Variants in ABCA4 observed in about 807,000 individuals in gnomAD.
ABCA4 encodes the protein retinal-specific phospholipid-transporting ATPase ABCA4.
ABCA4 carries 196 observed loss-of-function variants against 263.7 expected under a neutral mutation model. The ratio of observed to expected loss-of-function variants is 0.74; its 90% CI spans 0.66 to 0.84. The LOEUF (loss-of-function observed/expected upper bound fraction) is 0.84, where lower values mean the gene tolerates loss of function less well. Among genes scored for constraint, ABCA4 ranks in the 40% least tolerant of loss-of-function variants. ABCA4 has a pLI of 0.00. For synonymous variants in ABCA4, 1,133 were observed against 1,094.2 expected, an observed-to-expected ratio of 1.04 and a Z score of -0.70; for missense variants, 2,792 against 2,855.1, an observed-to-expected ratio of 0.98 and a Z score of 0.50.
intron 30 of ABCA4, among the ~76,000 whole-genome samples, chr1:94,028,930 A>AAAAACAAAAAAC (rs35998587): frequency 2.8e-5 from 3 of 108,032 alleles, no homozygotes; most frequent in African/African-American, 1.1e-4. Flanking sequence ...AAAAAAAAAA[A>AAAAACAAAAAAC]GAAATTCAAA....
chr1:94,089,458 TC>T, intron 6 of ABCA4, among the ~76,000 whole-genome samples: 1 of 151,108 alleles, frequency 6.6e-6, no homozygotes, highest in South Asian at 2.1e-4. Context: ...GAATTAAGTT[TC>T]TTTCTTTTCT....
intron 3 of ABCA4, among the ~76,000 whole-genome samples, chr1:94,109,290 T>TA (rs1276348080): frequency 1.3e-5 from 2 of 152,204 alleles, no homozygotes; most frequent in Non-Finnish European, 2.9e-5. Flanking sequence ...AGAGAAGCCT[T>TA]AAACAGGGTG....
chr1:94,039,296 C>T (rs1660425083), intron 24 of ABCA4, among the ~76,000 whole-genome samples: 2 of 152,244 alleles, frequency 1.3e-5, no homozygotes, highest in Admixed American at 6.5e-5. Context: ...GGTTCTCTTG[C>T]TTCACCAGAT....
rs1391236240 is a variant in ABCA4, at chr1:94,077,717, G to A, written c.1527C>T (p.Thr509=). ...CCAGGTATTGATTGACCAGGCGGAG[G>A]GTGCGATCAGTGATGTTAAATATGT... ...WRDIFNITDR[T]LRLVNQYLEC... is the part of the protein sequence containing the mutation. Residue 509 remains threonine, a synonymous_variant, in exon 11 of 50, where the codon ACC becomes ACT. Coordinates refer to ENST00000370225, the MANE Select transcript of ABCA4 (RefSeq NM_000350.3). The A allele has an allele frequency of 1.2e-6, 2 of 1,613,566 alleles. No individual in the cohort carries two copies. Among genetic ancestry groups the A allele is most frequent in the Non-Finnish European group, 1.7e-6 (2 of 1,179,698 alleles).
At chr1:94,079,603 C>T (rs1438600191) in intron 8 of ABCA4, 142 bp from the exon 9 acceptor site, 15 of 1,232,320 alleles carry the variant, frequency 1.2e-5, no homozygotes, top group Non-Finnish European at 1.8e-5. Context: ...TAGGCTGTAC[C>T]CCACCAATAA....
In ABCA4 at chr1:94,077,948, G is replaced by C. The variant is rs1398034221; in HGVS notation, c.1357-61C>G. The C allele has an allele frequency of 4.6e-6, 7 of 1,515,620 alleles. No homozygotes were observed. In the Admixed American group the frequency reaches 1.0e-4, roughly 22 times the overall value. The allele number at this position is 1,515,620 out of a possible 1,614,324, so 93.9% of individuals were successfully genotyped here. The stretch of plus-strand genomic sequence containing the variant: ...GAAATTCCATAGGATCTTTGGTCTT[G>C]TTCTTCAGCCATTTCTAATTTTTAG... On this transcript the variant is annotated intron_variant, in intron 10 of 49. Coordinates refer to ENST00000370225, the MANE Select transcript of ABCA4 (RefSeq NM_000350.3).
At position 94,001,957 on chromosome 1, in the gene ABCA4, A is replaced by G. The variant is rs1247196609; in HGVS notation, c.6183T>C (p.Thr2061=). 1.2e-6 allele frequency: 2 copies of G among 1,614,210 alleles called. No homozygotes were observed. Among genetic ancestry groups the G allele is most frequent in the African/African-American group, 2.7e-5 (2 of 75,058 alleles). ...ANWSIKSLGL[T]VYADCLAGTY... Reference sequence around the variant, plus strand: ...TGCCAGCCAGGCAGTCGGCGTAGACAGTCAGGCCCAGGCTCTTAATACTCC... The same window carrying G: ...TGCCAGCCAGGCAGTCGGCGTAGACGGTCAGGCCCAGGCTCTTAATACTCC... The change falls in exon 45 of 50, where the codon ACT becomes ACC. Residue 2061 remains threonine (T), a synonymous_variant. Coordinates refer to ENST00000370225, the MANE Select transcript of ABCA4 (RefSeq NM_000350.3).
At position 94,037,152 on chromosome 1, in the gene ABCA4, A is replaced by G; in HGVS notation, c.3806T>C (p.Leu1269Pro). The G allele has an allele frequency of 1.9e-6, 3 of 1,614,148 alleles. No homozygotes were observed. Among genetic ancestry groups the G allele is most frequent in the South Asian group, 1.1e-5 (1 of 91,084 alleles). The change falls in exon 25 of 50, where the codon CTG (leucine) becomes CCG (proline). Residue 1269 changes from leucine (L) to proline (P), a missense_variant. Transcript: ENST00000370225. ...LSSFGISDTPLEEIFLKVTED... is the reference protein window; with the variant it reads ...LSSFGISDTPPEEIFLKVTED... ...CTGGAATCTCTACTTTACCTCTTCC[A>G]GGGGAGTGTCAGAAATTCCAAAACT...
At position 94,047,004 on chromosome 1, in the gene ABCA4, C is replaced by A. The variant is rs150616268; in HGVS notation, c.2833G>T (p.Ala945Ser). 2.5e-6 allele frequency: 4 copies of A among 1,614,074 alleles called. No individual in the cohort carries two copies. The African/African-American group carries it at 5.3e-5, about 22-fold the overall frequency. The change falls in exon 19 of 50, where the codon GCT becomes TCT. Residue 945 changes from alanine (A) to serine (S), a missense_variant. Transcript: ENST00000370225. ...VKIFEPCGRP[A>S]VDRLNITFYE... ...AAGGTGATGTTCAGACGGTCCACAG[C>A]TGGCCGGCCACAGGGCTCAAAAATC...
chr1:93,996,046 A>C, intron 49 of ABCA4, 63 bp downstream of exon 49: 23 of 1,442,442 alleles, frequency 1.6e-5, no homozygotes, highest in Non-Finnish European at 2.2e-5. Context: ...AGCCCAGTGA[A>C]CCAGCTGGGC....
At chr1:94,047,233 C>T (rs1660711560) in intron 18 of ABCA4, 140 bp from the exon 19 acceptor site, 2 of 885,536 alleles carry the variant, frequency 2.3e-6, no homozygotes, top group East Asian at 5.0e-5. Context: ...AAGGAAGACT[C>T]CAGAATAATA....
intron 38 of ABCA4, among the ~76,000 whole-genome samples, chr1:94,012,786 G>A (rs1017556705): frequency 5.3e-5 from 8 of 152,160 alleles, no homozygotes; most frequent in South Asian, 2.1e-4. Flanking sequence ...TGCAAACTTC[G>A]TGGGCAGGTC....
intron 47 of ABCA4, among the ~76,000 whole-genome samples, chr1:93,998,686 C>T (rs1244578722): frequency 3.5e-5 from 5 of 144,340 alleles, no homozygotes; most frequent in Non-Finnish European, 7.6e-5. Context: ...TTGCTGAAGT[C>T]AAAGGTAGTT....
intron 4 of ABCA4, among the ~76,000 whole-genome samples, chr1:94,107,237 C>A (rs1662458096): frequency 6.6e-6 from 1 of 152,198 alleles, no homozygotes; most frequent in Non-Finnish European, 1.5e-5. Context: ...GCACACATCT[C>A]CCAGAAGCCC....
At chr1:94,056,505 G>A in intron 15 of ABCA4, 96 bp downstream of exon 15, 1 of 1,338,382 alleles carries the variant, frequency 7.5e-7, no homozygotes, top group Non-Finnish European at 1.1e-6. Flanking sequence ...CAAAGGCAAA[G>A]TGGACCCCCT....
chr1:94,116,670 C>T (rs554177334), intron 1 of ABCA4, among the ~76,000 whole-genome samples: 9 of 152,260 alleles, frequency 5.9e-5, no homozygotes, highest in South Asian at 4.1e-4. Context: ...CCTCTTCTGC[C>T]GGCTTCCAAA....
intron 6 of ABCA4, among the ~76,000 whole-genome samples, chr1:94,084,302 G>C (rs1044312520): frequency 1.3e-5 from 2 of 152,262 alleles, no homozygotes; most frequent in Admixed American, 1.3e-4. Context: ...TAGGTGTGAA[G>C]TGAGCACTGG....
At chr1:94,076,488 T>G (rs1325271274) in intron 11 of ABCA4, among the ~76,000 whole-genome samples, 1 of 152,162 alleles carries the variant, frequency 6.6e-6, no homozygotes, top group Non-Finnish European at 1.5e-5. Flanking sequence ...AGCAAAAAGC[T>G]TGTGACCAAA....
chr1:94,098,900 C>A lies in ABCA4; in HGVS notation c.662G>T (p.Gly221Val). ...CAGGGCATAGCGCACCGTCTTTGCCCCGCGTCTCTGGCTGAAGATGATGAA... is the reference window on the plus strand; with the variant it reads ...CAGGGCATAGCGCACCGTCTTTGCCACGCGTCTCTGGCTGAAGATGATGAA... ...ERFIIFSQRR[G>V]AKTVRYALCS... The change falls in exon 6 of 50, where the codon GGG (glycine) becomes GTG (valine). Residue 221 changes from glycine (G) to valine (V), a missense_variant. Coordinates refer to ENST00000370225, the MANE Select transcript of ABCA4 (RefSeq NM_000350.3). The A allele has an allele frequency of 6.2e-7, 1 of 1,614,026 alleles. No homozygotes were observed. The highest frequency in any genetic ancestry group is 1.3e-5 in the African/African-American group (1 of 75,066).
Sources: allele counts gnomAD v4.1 joint callset (sites outside exome capture counted in the v4.1 genomes callset), GRCh38; gene constraint gnomAD v4.1.1; transcripts MANE v1.5; gene names NCBI Gene and HGNC (gene_info 2026-07-23, HGNC 2026-07-21).